Variants in SNX29 observed in about 807,000 individuals in gnomAD.
The protein encoded by SNX29 is sorting nexin 29.
In SNX29, 78 loss-of-function variants were observed where a neutral mutation model predicts 102.1. That is an observed-to-expected ratio of 0.76 (90% CI 0.64 to 0.92). The LOEUF (loss-of-function observed/expected upper bound fraction) is 0.92, where lower values mean the gene tolerates loss of function less well. SNX29 is among the 40% of genes least tolerant of loss of function. SNX29 has a pLI of 0.00. For synonymous variants in SNX29, 580 were observed against 414.5 expected, an observed-to-expected ratio of 1.40 and a Z score of -4.85; for missense variants, 1,280 against 1,061.7, an observed-to-expected ratio of 1.21 and a Z score of -2.86.
At chr16:12,388,290 C>T (rs183348065) in intron 16 of SNX29, among the ~76,000 whole-genome samples, 3 of 152,290 alleles carry the variant, frequency 2.0e-5, no homozygotes, top group Admixed American at 1.3e-4. Context: ...CTTCTCTGAG[C>T]CTCTGTAGAA....
rs1306385728 is a variant in SNX29, at chr16:12,239,690, G to A, written c.1679-38243G>A. Among the ~76,000 whole-genome samples, 3 of 144,274 alleles carry A rather than the reference G, an allele frequency of 2.1e-5. No individual in the cohort carries two copies. In the East Asian group the frequency reaches 6.0e-4, roughly 29 times the overall value. The allele number at this position is 144,274 out of a possible 152,430, so 94.6% of individuals were successfully genotyped here. ...AAAAATTAGTCCGGTGTGGTGATGT[G>A]CACAATGTGGTCCCAGCTACTCGGG... On this transcript the variant is annotated intron_variant, in intron 14 of 20. Transcript: ENST00000566228.
chr16:12,437,482 C>T (rs955195449), intron 18 of SNX29, among the ~76,000 whole-genome samples: 18 of 152,146 alleles, frequency 1.2e-4, no homozygotes, highest in Admixed American at 7.2e-4. Flanking sequence ...GTGGCCTTTG[C>T]GGAGGACAGG....
chr16:12,152,795 C>T (rs996693592), intron 13 of SNX29, among the ~76,000 whole-genome samples: 1 of 152,206 alleles, frequency 6.6e-6, no homozygotes, highest in African/African-American at 2.4e-5. Context: ...GTTTTCTGAA[C>T]ACCAGTAATG....
At chr16:12,022,048 CTT>C (rs889623108) in intron 3 of SNX29, among the ~76,000 whole-genome samples, 1 of 148,736 alleles carries the variant, frequency 6.7e-6, no homozygotes, top group African/African-American at 2.5e-5. Flanking sequence ...ATTCACAACT[CTT>C]TTGCTGCTTT....
chr16:12,550,611 T>C (rs1311236707), intron 20 of SNX29, among the ~76,000 whole-genome samples: 1 of 151,482 alleles, frequency 6.6e-6, no homozygotes, highest in African/African-American at 2.4e-5. Context: ...CTATGTGTAA[T>C]GTATACCTGT....
intron 19 of SNX29, among the ~76,000 whole-genome samples, chr16:12,478,541 T>C (rs1226803364): frequency 6.6e-6 from 1 of 152,190 alleles, no homozygotes. Flanking sequence ...ATTAATATTA[T>C]TCACTCAGCA....
Position 12,048,442 on chromosome 16 carries a change from C to T in SNX29, c.570C>T (p.Pro190=). ...TGAACGGGCAGAGTAAGTTTGCTCC[C>T]ACCGTTTCAGACCTCTTAAAGGAGT... ...KDLNGQSKFA[P]TVSDLLKEST... Residue 190 remains proline, a synonymous_variant, in exon 7 of 21, where the codon CCC becomes CCT. Coordinates refer to ENST00000566228, the MANE Select transcript of SNX29 (RefSeq NM_032167.5). 1.9e-6 allele frequency: 3 copies of T among 1,613,908 alleles called. No individual in the cohort carries two copies. The highest frequency in any genetic ancestry group is 1.3e-5 in the African/African-American group (1 of 75,018).
At chr16:12,310,069 C>T (rs946637189) in intron 15 of SNX29, among the ~76,000 whole-genome samples, 3 of 151,736 alleles carry the variant, frequency 2.0e-5, no homozygotes, top group Non-Finnish European at 4.4e-5. Flanking sequence ...CATGCACGCA[C>T]ATACATACAC....
chr16:12,129,891 T>G (rs1323361645), intron 13 of SNX29, 133 bp downstream of exon 13: 13 of 1,099,248 alleles, frequency 1.2e-5, no homozygotes, highest in Non-Finnish European at 6.2e-6. Flanking sequence ...GATCATAAGG[T>G]CAGGAGATCG....
At chr16:12,033,074 C>T (rs767594240) in intron 4 of SNX29, among the ~76,000 whole-genome samples, 22 of 152,124 alleles carry the variant, frequency 1.4e-4, no homozygotes, top group African/African-American at 1.9e-4. Flanking sequence ...AGGCTGGTCT[C>T]GAGCTCCTGG....
At chr16:12,554,122 C>G (rs115162538) in intron 20 of SNX29, among the ~76,000 whole-genome samples, 2,245 of 152,184 alleles carry the variant, frequency 0.015, 67 homozygotes, top group African/African-American at 0.051. Flanking sequence ...GCCACCATGC[C>G]CAGCCTGGAT....
intron 14 of SNX29, among the ~76,000 whole-genome samples, chr16:12,268,270 A>AC (rs1014224816): frequency 6.6e-5 from 10 of 151,688 alleles, no homozygotes; most frequent in African/African-American, 2.2e-4. Flanking sequence ...ACTCACTTTT[A>AC]CCCCCCTTGA....
intron 14 of SNX29, among the ~76,000 whole-genome samples, chr16:12,264,850 A>G (rs534028897): frequency 1.3e-4 from 20 of 152,186 alleles, no homozygotes; most frequent in African/African-American, 4.3e-4. Context: ...CCAGGGCACA[A>G]CAGTTAACAG....
intron 15 of SNX29, among the ~76,000 whole-genome samples, chr16:12,289,271 A>G (rs950994474): frequency 2.0e-5 from 3 of 152,122 alleles, no homozygotes; most frequent in Non-Finnish European, 2.9e-5. Flanking sequence ...AGAAGGGTCC[A>G]CTACTGGCAC....
intron 18 of SNX29, among the ~76,000 whole-genome samples, chr16:12,435,492 G>A (rs1237463602): frequency 6.6e-6 from 1 of 152,188 alleles, no homozygotes; most frequent in African/African-American, 2.4e-5. Flanking sequence ...TGCCCTGCTT[G>A]AGGGGTCCTG....
intron 18 of SNX29, among the ~76,000 whole-genome samples, chr16:12,453,637 T>A (rs1029004047): frequency 6.6e-6 from 1 of 152,084 alleles, no homozygotes; most frequent in African/African-American, 2.4e-5. Flanking sequence ...TGCCTCAGCC[T>A]CCCAAATTGC....
At chr16:12,168,571 C>T (rs900138726) in intron 13 of SNX29, among the ~76,000 whole-genome samples, 4 of 152,272 alleles carry the variant, frequency 2.6e-5, no homozygotes, top group South Asian at 2.1e-4. Flanking sequence ...CGGGTGCCCT[C>T]GTGACCTTGG....
chr16:11,979,077 C>A (rs999926830), intron 1 of SNX29, among the ~76,000 whole-genome samples: 92 of 151,716 alleles, frequency 6.1e-4, no homozygotes, highest in African/African-American at 2.2e-3. Context: ...GAGTTTGAGA[C>A]CAGCCTGGCC....
At chr16:12,204,221 G>A (rs193156571) in intron 14 of SNX29, among the ~76,000 whole-genome samples, 34 of 152,280 alleles carry the variant, frequency 2.2e-4, no homozygotes, top group Non-Finnish European at 1.5e-4. Context: ...TGGCGTGACA[G>A]TCCTACCCTG....
Sources: gnomAD v4.1 joint callset for allele counts (sites outside exome capture counted in the v4.1 genomes callset) on GRCh38, gnomAD v4.1.1 for gene constraint, MANE v1.5 for transcripts, NCBI Gene and HGNC (gene_info 2026-07-23, HGNC 2026-07-21) for gene names.